Variants in PTOV1 observed in about 807,000 individuals in gnomAD.
The protein encoded by PTOV1 is PTOV1 extended AT-hook containing adaptor protein, also known as prostate tumor-overexpressed gene 1 protein.
A neutral mutation model predicts 58.0 loss-of-function variants in PTOV1; 20 were observed. That is an observed-to-expected ratio of 0.34 (90% confidence interval 0.24 to 0.50). PTOV1 has a LOEUF of 0.50. PTOV1 is among the 20% of genes least tolerant of loss of function. PTOV1 has a pLI of 0.98. For missense variants in PTOV1, 593 were observed against 565.4 expected (o/e 1.05, Z -0.50); for synonymous variants, 335 against 234.2 (o/e 1.43, Z -3.93).
intron 5 of PTOV1, 200 bp downstream of exon 5, chr19:49,855,277 G>A: frequency 1.7e-6 from 1 of 594,678 alleles, no homozygotes; most frequent in Non-Finnish European, 3.0e-6. Flanking sequence ...CAGCCTGAGA[G>A]GCCTCCAGTT....
chr19:49,858,450 G>A, intron 9 of PTOV1, 99 bp from the exon 10 acceptor site: 4 of 920,340 alleles, frequency 4.3e-6, no homozygotes, highest in South Asian at 3.0e-5. Context: ...GGACAGGGGA[G>A]TCTCAGTTTG....
At chr19:49,852,470 T>C (rs552492664) in intron 1 of PTOV1, 1 of 152,352 alleles carries the variant, frequency 6.6e-6, no homozygotes, top group African/African-American at 2.4e-5. Context: ...TCAGTGCAAG[T>C]ACTAGATGGG....
At chr19:49,851,057 C>G, upstream of PTOV1, 2 of 1,492,134 alleles carry the variant, frequency 1.3e-6, no homozygotes, top group South Asian at 1.3e-5. Context: ...CGAGCCCACA[C>G]TCCGCTCCCG....
At chr19:49,859,864 G>A in intron 10 of PTOV1, 122 bp from the exon 11 acceptor site, 2 of 1,063,542 alleles carry the variant, frequency 1.9e-6, no homozygotes, top group Non-Finnish European at 2.8e-6. Flanking sequence ...GGTGGGTGGG[G>A]GGTGTGAGGA....
At chr19:49,857,580 C>T (rs948263713) in intron 6 of PTOV1, 113 bp from the exon 7 acceptor site, 1 of 974,864 alleles carries the variant, frequency 1.0e-6, no homozygotes, top group Admixed American at 2.1e-5. Flanking sequence ...GAGAATGGAC[C>T]CAGCTGGGGC....
chr19:49,857,971 A>C, exon 8 of PTOV1: 1 of 1,613,068 alleles, frequency 6.2e-7, no homozygotes, highest in Non-Finnish European at 8.5e-7. Context: ...AACCAGGGGG[A>C]GATCCTGTGA....
exon 12 of PTOV1, chr19:49,860,365 G>C: frequency 7.1e-7 from 1 of 1,417,490 alleles, no homozygotes; most frequent in Non-Finnish European, 9.6e-7. Context: ...ATGTACAGGA[G>C]GGACCCTGGG....
intron 10 of PTOV1, 104 bp from the exon 11 acceptor site, chr19:49,859,882 G>A (rs990746725): frequency 8.8e-5 from 112 of 1,277,866 alleles, no homozygotes; most frequent in Admixed American, 2.6e-4. Context: ...GGACAGAGCA[G>A]TTAGGCTGTG....
At chr19:49,859,650 C>T (rs1036532536) in intron 10 of PTOV1, among the ~76,000 whole-genome samples, 8 of 152,184 alleles carry the variant, frequency 5.3e-5, no homozygotes, top group Admixed American at 1.3e-4. Flanking sequence ...CTGGGCCGGC[C>T]GCTGCAGATC....
intron 6 of PTOV1, 127 bp from the exon 7 acceptor site, chr19:49,857,566 A>C: frequency 1.2e-6 from 1 of 844,430 alleles, no homozygotes; most frequent in Non-Finnish European, 1.9e-6. Flanking sequence ...TTCCCCTGGG[A>C]CTAGAGAATG....
intron 10 of PTOV1, among the ~76,000 whole-genome samples, chr19:49,859,457 G>T (rs1207177400): frequency 6.6e-6 from 1 of 150,552 alleles, no homozygotes; most frequent in African/African-American, 2.5e-5. Flanking sequence ...CAGGCATGAT[G>T]GCCACTCAGG....
intron 9 of PTOV1, 174 bp from the exon 10 acceptor site, chr19:49,858,375 G>T: frequency 2.9e-6 from 2 of 681,452 alleles, no homozygotes; most frequent in Non-Finnish European, 5.0e-6. Flanking sequence ...ATCTGAGAGC[G>T]GCTTCCACAG....
intron 10 of PTOV1, chr19:49,858,917 C>T (rs895873691): frequency 2.7e-5 from 10 of 376,332 alleles, no homozygotes; most frequent in Middle Eastern, 7.1e-4. Context: ...CTCTCCACTC[C>T]TCAGGGACAG....
upstream of PTOV1, chr19:49,850,874 G>C (rs763610139): frequency 3.3e-6 from 5 of 1,535,636 alleles, no homozygotes; most frequent in South Asian, 3.6e-5. Flanking sequence ...CGGGCCCAGG[G>C]CTCCGGATGA....
At chr19:49,853,673 G>T (rs1028150708) in intron 1 of PTOV1, among the ~76,000 whole-genome samples, 1 of 152,078 alleles carries the variant, frequency 6.6e-6, no homozygotes, top group African/African-American at 2.4e-5. Flanking sequence ...CATTTGTGGC[G>T]TTGCTTGGCT....
At chr19:49,858,906 G>T in intron 10 of PTOV1, 2 of 438,052 alleles carry the variant, frequency 4.6e-6, no homozygotes, top group Non-Finnish European at 4.2e-6. Context: ...CCAACTCCGC[G>T]CTCTCCACTC....
exon 12 of PTOV1, chr19:49,860,304 C>T: frequency 6.2e-7 from 1 of 1,611,524 alleles, no homozygotes; most frequent in Non-Finnish European, 8.5e-7. Flanking sequence ...TGGGCCCCTC[C>T]AGGAGTCACA....
At chr19:49,855,812 A>G (rs138559067) in intron 5 of PTOV1, among the ~76,000 whole-genome samples, 3 of 152,098 alleles carry the variant, frequency 2.0e-5, no homozygotes, top group African/African-American at 7.2e-5. Flanking sequence ...AGCGCTTGAG[A>G]TGGTGACTTT....
At position 49,854,162 on chromosome 19, in the gene PTOV1, CCAG is replaced by C. The variant is rs139848289; in HGVS notation, c.172-243_172-241del. On this transcript the variant is annotated intron_variant, in intron 1 of 11. Transcript: ENST00000391842. The stretch of plus-strand genomic sequence containing the variant: ...CTGAAGGCTTCAGGACTCTGCTGGG[CCAG>C]TGTCAAGGTGACAGCAGGCTCTGGG... 0.014 allele frequency among the ~76,000 whole-genome samples: 2,104 copies of C among 152,266 alleles called. 95 individuals carry two copies. In the East Asian group the frequency reaches 0.14, roughly 10 times the overall value.
Sources: allele counts gnomAD v4.1 joint callset (sites outside exome capture counted in the v4.1 genomes callset), GRCh38; gene constraint gnomAD v4.1.1; transcripts MANE v1.5; gene names NCBI Gene and HGNC (gene_info 2026-07-23, HGNC 2026-07-21).